Variants in DLGAP2 observed in about 807,000 individuals in gnomAD.
The protein encoded by DLGAP2 is DLG associated protein 2.
DLGAP2 carries 26 observed loss-of-function variants against 100.3 expected under a neutral mutation model. The observed-to-expected ratio is 0.26, with a 90% CI of 0.19 to 0.36. The LOEUF is 0.36. Ranked by LOEUF, DLGAP2 falls within the 10% of genes least tolerant of loss-of-function variation. The pLI is 1.00. For missense variants in DLGAP2, 1,858 were observed against 1,453.2 expected (o/e 1.28, Z -4.53); for synonymous variants, 886 against 630.1 (o/e 1.41, Z -6.08).
Position 1,256,672 on chromosome 8 carries a change from C to T in DLGAP2, c.74-2179C>T, listed in dbSNP as rs762995384. Among the ~76,000 whole-genome samples the T allele has an allele frequency of 2.0e-5, 3 of 152,052 alleles. No homozygotes were observed. In the East Asian group the frequency reaches 5.8e-4, roughly 29 times the overall value. ...TCAGATGCCCGCGTGGGGAGTCTCA[C>T]CTTGGAAACTGAGGGGAAACTGACT... On this transcript the variant is annotated intron_variant, in intron 2 of 14. Transcript: ENST00000637795.
intron 2 of DLGAP2, among the ~76,000 whole-genome samples, chr8:1,121,478 A>G (rs1232146229): frequency 1.3e-5 from 2 of 151,386 alleles, no homozygotes; most frequent in East Asian, 1.9e-4. Flanking sequence ...TCATCTCTCT[A>G]GAACCCATGA....
intron 3 of DLGAP2, among the ~76,000 whole-genome samples, chr8:1,439,250 A>T (rs1301914354): frequency 6.6e-6 from 1 of 152,160 alleles, no homozygotes; most frequent in Non-Finnish European, 1.5e-5. Flanking sequence ...ACTGAACAGC[A>T]CGTGGCAGCC....
At chr8:809,905 G>A (rs1796340294) in intron 1 of DLGAP2, among the ~76,000 whole-genome samples, 1 of 152,234 alleles carries the variant, frequency 6.6e-6, no homozygotes, top group Admixed American at 6.5e-5. Flanking sequence ...TCGCCCAGAA[G>A]CATGGTGTGC....
chr8:1,247,134 C>T (rs113750180), intron 2 of DLGAP2: 3,293 of 66,210 alleles, frequency 0.05, no homozygotes, highest in African/African-American at 0.087. Flanking sequence ...TGATGGCCCA[C>T]GTCGGTGGCC....
chr8:1,514,520 T>A (rs1473970256), intron 4 of DLGAP2, among the ~76,000 whole-genome samples: 1 of 152,260 alleles, frequency 6.6e-6, no homozygotes, highest in Non-Finnish European at 1.5e-5. Flanking sequence ...ATAGCGTTAA[T>A]ATTTCAGTAA....
intron 1 of DLGAP2, among the ~76,000 whole-genome samples, chr8:893,591 C>T (rs1036963313): frequency 4.6e-5 from 7 of 152,222 alleles, no homozygotes; most frequent in Non-Finnish European, 8.8e-5. Context: ...GGCCCTGGGG[C>T]CGCCCCTCAG....
In DLGAP2 at chr8:1,230,555, A is replaced by G. The variant is rs552439252; in HGVS notation, c.74-28296A>G. Among the ~76,000 whole-genome samples, 15 of 152,350 alleles carry G rather than the reference A, an allele frequency of 9.8e-5. No individual in the cohort carries two copies. In the South Asian group the frequency reaches 2.5e-3, roughly 25 times the overall value. On this transcript the variant is annotated intron_variant, in intron 2 of 14. Coordinates refer to ENST00000637795, the MANE Select transcript of DLGAP2 (RefSeq NM_001346810.2). Reference sequence around the variant, plus strand: ...CCAAAAAGCTCGAATAGCCAAAGCAATCCTATGCAAAAAGAACAAAGCCAG... The same window carrying G: ...CCAAAAAGCTCGAATAGCCAAAGCAGTCCTATGCAAAAAGAACAAAGCCAG...
chr8:884,067 T>A (rs1797873817), intron 1 of DLGAP2, among the ~76,000 whole-genome samples: 1 of 152,240 alleles, frequency 6.6e-6, no homozygotes, highest in Non-Finnish European at 1.5e-5. Flanking sequence ...TGGTTCCATC[T>A]CTTTGCTATT....
intron 1 of DLGAP2, among the ~76,000 whole-genome samples, chr8:755,022 G>A (rs1206071106): frequency 6.6e-6 from 1 of 152,092 alleles, no homozygotes; most frequent in African/African-American, 2.4e-5. Flanking sequence ...CATGTCTGGT[G>A]GATACAAAAG....
intron 1 of DLGAP2, among the ~76,000 whole-genome samples, chr8:798,096 C>T (rs1796071046): frequency 6.6e-6 from 1 of 152,232 alleles, no homozygotes; most frequent in African/African-American, 2.4e-5. Flanking sequence ...TGCATCTTCA[C>T]CAGGCTGTTT....
chr8:795,905 TGTCCAGTGAGAACAGGC>T lies in DLGAP2; in HGVS notation c.18+58092_18+58108del, dbSNP rs1563035093. 4.2e-3 allele frequency among the ~76,000 whole-genome samples: 160 copies of T among 37,736 alleles called. 12 individuals carry two copies. The highest frequency in any genetic ancestry group is 9.2e-3 in the Admixed American group (21 of 2,282). 24.8% of individuals were successfully genotyped at this position (37,736 alleles called of 152,430 possible). ...AGAGCAGGCGTCCAGTGAGAGCAGC[TGTCCAGTGAGAACAGGC>T]GTCCAGTGAGAGCAGGCGTCCAGTG... On this transcript the variant is annotated intron_variant, in intron 1 of 14. Transcript: ENST00000637795.
intron 2 of DLGAP2, among the ~76,000 whole-genome samples, chr8:1,202,379 C>T (rs1797898581): frequency 6.6e-6 from 1 of 151,806 alleles, no homozygotes; most frequent in Admixed American, 6.6e-5. Context: ...TTGTGCTGTG[C>T]AGTGGACGTC....
At chr8:1,328,825 TC>T (rs571508165) in intron 3 of DLGAP2, among the ~76,000 whole-genome samples, 7 of 152,342 alleles carry the variant, frequency 4.6e-5, no homozygotes, top group African/African-American at 1.7e-4. Flanking sequence ...GAGCTGTGTT[TC>T]TGAGAAAGGC....
At chr8:1,619,893 C>T (rs1228088617) in intron 6 of DLGAP2, 17 of 152,214 alleles carry the variant, frequency 1.1e-4, no homozygotes, top group Admixed American at 1.1e-3. Flanking sequence ...TTACTTCCGA[C>T]CTGTAAAGCA....
chr8:1,497,282 C>A (rs1040654981), intron 3 of DLGAP2, among the ~76,000 whole-genome samples: 26 of 152,218 alleles, frequency 1.7e-4, no homozygotes, highest in African/African-American at 5.8e-4. Context: ...TTTCACAGCA[C>A]CGATCAGCCT....
At chr8:1,041,843 G>A (rs760627374) in intron 2 of DLGAP2, among the ~76,000 whole-genome samples, 9 of 152,050 alleles carry the variant, frequency 5.9e-5, no homozygotes, top group Non-Finnish European at 8.8e-5. Context: ...GTGGGTCAGC[G>A]TTCTCCGAGC....
At chr8:888,607 T>A (rs564236316) in intron 1 of DLGAP2, among the ~76,000 whole-genome samples, 98 of 152,074 alleles carry the variant, frequency 6.4e-4, no homozygotes, top group Non-Finnish European at 1.3e-3. Context: ...TTTCTGCTTT[T>A]TTTTTTTTTC....
At chr8:1,525,462 C>T (rs1800761650) in intron 4 of DLGAP2, among the ~76,000 whole-genome samples, 1 of 152,086 alleles carries the variant, frequency 6.6e-6, no homozygotes, top group Non-Finnish European at 1.5e-5. Context: ...CCATCAGAGT[C>T]CCAGTGTACA....
In DLGAP2 at chr8:1,632,874, C is replaced by A. The variant is rs1458300838; in HGVS notation, c.1638C>A (p.Ser546=). The stretch of plus-strand genomic sequence containing the variant: ...GGCAATTCGAGTCCGTGTGCGAGTC[C>A]GTCTTCAGTGAAGTTGAATCTCAGG... ...INGQFESVCE[S]VFSEVESQAM... The change falls in exon 8 of 15, where the codon TCC becomes TCA. Residue 546 remains serine (S), a synonymous_variant. Transcript: ENST00000637795. 1.9e-6 allele frequency: 3 copies of A among 1,613,816 alleles called. No homozygotes were observed. The South Asian group carries it at 3.3e-5, about 18-fold the overall frequency.
Sources: gnomAD v4.1 joint callset for allele counts (sites outside exome capture counted in the v4.1 genomes callset) on GRCh38, gnomAD v4.1.1 for gene constraint, MANE v1.5 for transcripts, NCBI Gene and HGNC (gene_info 2026-07-23, HGNC 2026-07-21) for gene names.